The following CACNB4 variants were observed in gnomAD, a reference collection of about 807,000 sequenced individuals.
CACNB4 encodes the protein voltage-dependent L-type calcium channel subunit beta-4.
Under a neutral mutation model 71.2 loss-of-function variants are expected in CACNB4, and 32 were observed. The ratio of observed to expected loss-of-function variants is 0.45; its 90% confidence interval spans 0.34 to 0.60. The LOEUF is 0.60. CACNB4 is among the 20% of genes least tolerant of loss of function. The pLI, the probability that CACNB4 is intolerant of heterozygous loss-of-function variation, is 0.01. For missense variants in CACNB4, 464 were observed against 647.9 expected (o/e 0.72, Z 3.08); for synonymous variants, 231 against 236.9 (o/e 0.97, Z 0.23).
chr2:151,896,638 C>G (rs193115601), intron 2 of CACNB4, among the ~76,000 whole-genome samples: 4 of 152,286 alleles, frequency 2.6e-5, no homozygotes, highest in African/African-American at 9.6e-5. Context: ...AGTGCCCTTC[C>G]TCTCCAATCA....
chr2:152,091,951 C>G (rs907761536), intron 2 of CACNB4, among the ~76,000 whole-genome samples: 2 of 152,242 alleles, frequency 1.3e-5, no homozygotes, highest in African/African-American at 4.8e-5. Flanking sequence ...AGCAACCACG[C>G]AGATTCAGAA....
At chr2:152,040,294 T>C (rs991326340) in intron 2 of CACNB4, among the ~76,000 whole-genome samples, 2 of 152,228 alleles carry the variant, frequency 1.3e-5, no homozygotes, top group Non-Finnish European at 2.9e-5. Context: ...CTAGAATCTT[T>C]AAATTTATAA....
chr2:152,014,979 T>C (rs1683263491), intron 2 of CACNB4, among the ~76,000 whole-genome samples: 1 of 152,180 alleles, frequency 6.6e-6, no homozygotes, highest in Non-Finnish European at 1.5e-5. Flanking sequence ...CTGAATGTGC[T>C]CTCTTGTACA....
chr2:152,021,555 T>C (rs930566572), intron 2 of CACNB4, among the ~76,000 whole-genome samples: 1 of 152,220 alleles, frequency 6.6e-6, no homozygotes, highest in Non-Finnish European at 1.5e-5. Context: ...AATCTCTTCA[T>C]ATGAAAATAT....
rs2099844551 is a variant in CACNB4, at chr2:151,871,245, AC to A, written c.599-385del. ...CAATTTCATAAAAGGAAACAGAATA[AC>A]CACTTGGGCAAAAATGACTATCACC... On this transcript the variant is annotated intron_variant, in intron 6 of 13. Coordinates refer to ENST00000539935, the MANE Select transcript of CACNB4 (RefSeq NM_000726.5). The A allele has an allele frequency of 1.6e-5, 3 of 187,842 alleles. No homozygotes were observed. In the Admixed American group the frequency reaches 1.8e-4, roughly 11 times the overall value. 11.6% of individuals were successfully genotyped at this position (187,842 alleles called of 1,614,324 possible).
chr2:151,935,837 C>A (rs1215958401), intron 2 of CACNB4, among the ~76,000 whole-genome samples: 1 of 152,196 alleles, frequency 6.6e-6, no homozygotes, highest in East Asian at 1.9e-4. Flanking sequence ...GAAGTATCAA[C>A]TTTTCAAAAA....
At chr2:151,988,412 C>T (rs1681495181) in intron 2 of CACNB4, among the ~76,000 whole-genome samples, 1 of 152,088 alleles carries the variant, frequency 6.6e-6, no homozygotes, top group African/African-American at 2.4e-5. Flanking sequence ...AAAAACCTTC[C>T]CCACCCTACA....
At chr2:151,938,229 C>T (rs139478728) in intron 2 of CACNB4, among the ~76,000 whole-genome samples, 1 of 152,312 alleles carries the variant, frequency 6.6e-6, no homozygotes, top group East Asian at 1.9e-4. Context: ...AAAACCTTGC[C>T]AGAGGTCTTC....
At chr2:151,920,823 A>G (rs961462387) in intron 2 of CACNB4, among the ~76,000 whole-genome samples, 3 of 152,108 alleles carry the variant, frequency 2.0e-5, no homozygotes, top group Non-Finnish European at 1.5e-5. Context: ...CTGCCTTAGA[A>G]TCCTTAGCTT....
intron 2 of CACNB4, among the ~76,000 whole-genome samples, chr2:151,956,364 AAAG>A (rs1265493639): frequency 6.6e-6 from 1 of 152,268 alleles, no homozygotes; most frequent in African/African-American, 2.4e-5. Context: ...TTGGCAATAC[AAAG>A]AAATGAAATG....
intron 4 of CACNB4, among the ~76,000 whole-genome samples, chr2:151,878,098 A>AAT (rs771448365): frequency 3.5e-4 from 54 of 152,250 alleles, no homozygotes; most frequent in Non-Finnish European, 6.0e-4. Context: ...TTTGACCCAA[A>AAT]ATATATATAT....
chr2:152,052,813 A>C (rs1423663346), intron 2 of CACNB4, among the ~76,000 whole-genome samples: 1 of 151,826 alleles, frequency 6.6e-6, no homozygotes, highest in Non-Finnish European at 1.5e-5. Context: ...CCCCATCTCT[A>C]CTAAAAATAC....
intron 2 of CACNB4, among the ~76,000 whole-genome samples, chr2:152,081,407 A>G (rs1011955442): frequency 2.6e-5 from 4 of 152,120 alleles, no homozygotes; most frequent in Non-Finnish European, 5.9e-5. Context: ...AATCCTAGCT[A>G]CTTTGGAGGC....
At chr2:151,910,274 C>A (rs1013645987) in intron 2 of CACNB4, among the ~76,000 whole-genome samples, 2 of 152,036 alleles carry the variant, frequency 1.3e-5, no homozygotes, top group African/African-American at 2.4e-5. Context: ...GGACATTAGA[C>A]CTTTGTCACA....
chr2:152,093,135 A>T lies in CACNB4; in HGVS notation c.147+5195T>A, dbSNP rs190295322. On this transcript the variant is annotated intron_variant, in intron 2 of 13. Transcript: ENST00000539935. Reference sequence around the variant, plus strand: ...CATTTACTGACTGCTGCATACATATATTGTTTCTAGTTTCTCTGCTCAGTG... The same window carrying T: ...CATTTACTGACTGCTGCATACATATTTTGTTTCTAGTTTCTCTGCTCAGTG... 3.2e-3 allele frequency among the ~76,000 whole-genome samples: 490 copies of T among 152,200 alleles called. 4 individuals carry two copies. The highest frequency in any genetic ancestry group is 4.9e-3 in the Non-Finnish European group (335 of 68,002).
At position 151,870,863 on chromosome 2, in the gene CACNB4, T is replaced by C; in HGVS notation, c.599-2A>G. 1 of 1,598,692 alleles carries C rather than the reference T, an allele frequency of 6.3e-7. No homozygotes were observed. The highest frequency in any genetic ancestry group is 1.7e-5 in the Admixed American group (1 of 58,524). The stretch of plus-strand genomic sequence containing the variant: ...TTACCACTTTTTGCTTCTGTTTTGC[T>C]AAAAGACAATAACGAGAGCCATATC... On this transcript the variant is annotated splice_acceptor_variant, in intron 6 of 13. Coordinates refer to ENST00000539935, the MANE Select transcript of CACNB4 (RefSeq NM_000726.5). LOFTEE classifies it high-confidence loss of function.
chr2:151,947,098 AC>A (rs1001075369), intron 2 of CACNB4, among the ~76,000 whole-genome samples: 1 of 152,160 alleles, frequency 6.6e-6, no homozygotes, highest in Non-Finnish European at 1.5e-5. Context: ...AGAAAAAGCA[AC>A]CCCATGAAAA....
chr2:151,877,130 CTA>C (rs377457692), intron 4 of CACNB4, among the ~76,000 whole-genome samples: 7 of 146,238 alleles, frequency 4.8e-5, no homozygotes, highest in Admixed American at 6.9e-5. Context: ...TATATACATA[CTA>C]TATATATATA....
intron 2 of CACNB4, among the ~76,000 whole-genome samples, chr2:152,050,625 A>C (rs570351230): frequency 1.3e-5 from 2 of 152,224 alleles, no homozygotes; most frequent in East Asian, 3.9e-4. Context: ...CTGAGGTAGG[A>C]GGATCACTTA....
Sources: gnomAD v4.1 joint callset for allele counts (sites outside exome capture counted in the v4.1 genomes callset) on GRCh38, gnomAD v4.1.1 for gene constraint, MANE v1.5 for transcripts, NCBI Gene and HGNC (gene_info 2026-07-23, HGNC 2026-07-21) for gene names.